Variants in THOC2 observed in about 807,000 individuals in gnomAD.
THOC2 encodes the protein THO complex 2.
In THOC2, 10 loss-of-function variants were observed where a neutral mutation model predicts 128.4. That is an observed-to-expected ratio of 0.08 (90% CI 0.05 to 0.13). The LOEUF is 0.13. Among genes scored for constraint, THOC2 ranks in the 10% least tolerant of loss-of-function variants. THOC2 has a pLI of 1.00. For missense variants in THOC2, 535 were observed against 1,155.7 expected (o/e 0.46, Z 7.79); for synonymous variants, 393 against 396.9 (o/e 0.99, Z 0.12).
chrX:123,700,981 G>A (rs1024541426), intron 4 of THOC2, among the ~76,000 whole-genome samples: 2 of 110,825 alleles, frequency 1.8e-5, no homozygotes, highest in African/African-American at 6.6e-5. Flanking sequence ...TTTCTGCCAA[G>A]GGTGAGGGTA....
At chrX:123,691,945 T>C (rs1036305371) in intron 7 of THOC2, among the ~76,000 whole-genome samples, 31 of 112,024 alleles carry the variant, frequency 2.8e-4, no homozygotes, top group African/African-American at 9.1e-4. Flanking sequence ...TCTATAGCTG[T>C]TTTTACGCTG....
At chrX:123,630,139 A>G (rs770803867) in intron 22 of THOC2, among the ~76,000 whole-genome samples, 5 of 112,234 alleles carry the variant, frequency 4.5e-5, no homozygotes, top group Admixed American at 9.4e-5. Context: ...TATTTACCCA[A>G]GATGAATATG....
intron 12 of THOC2, among the ~76,000 whole-genome samples, chrX:123,651,911 A>G (rs1270042033): frequency 9.0e-6 from 1 of 111,483 alleles, no homozygotes; most frequent in African/African-American, 3.3e-5. Flanking sequence ...ACTATTCCAA[A>G]CAATAGAAAA....
At chrX:123,670,073 T>C (rs991994647) in intron 9 of THOC2, among the ~76,000 whole-genome samples, 6 of 112,346 alleles carry the variant, frequency 5.3e-5, no homozygotes, top group Non-Finnish European at 1.1e-4. Context: ...TCTAAAGTCA[T>C]ACCTGTGTTT....
At chrX:123,670,366 C>A (rs1345366638) in intron 9 of THOC2, among the ~76,000 whole-genome samples, 1 of 112,852 alleles carries the variant, frequency 8.9e-6, no homozygotes, top group Non-Finnish European at 1.9e-5. Context: ...CGCTTGTAAT[C>A]CCAGCACTTT....
At chrX:123,648,596 A>AAGTCGAC (rs1450229667) in intron 12 of THOC2, among the ~76,000 whole-genome samples, 1 of 98,432 alleles carries the variant, frequency 1.0e-5, no homozygotes, top group Non-Finnish European at 2.1e-5. Context: ...CAGCAGTCTG[A>AAGTCGAC]AGTCGACCTG....
intron 12 of THOC2, among the ~76,000 whole-genome samples, chrX:123,651,487 CT>C (rs2048354161): frequency 9.0e-6 from 1 of 111,307 alleles, no homozygotes. Context: ...ACAAAAAACC[CT>C]TCAAAGTATC....
chrX:123,674,668 G>A (rs1197570744), intron 8 of THOC2, among the ~76,000 whole-genome samples: 1 of 110,757 alleles, frequency 9.0e-6, no homozygotes, highest in African/African-American at 3.3e-5. Context: ...GATTTTGTGT[G>A]TGTGCACCAT....
intron 7 of THOC2, 72 bp from the exon 8 acceptor site, chrX:123,686,786 G>A: frequency 2.4e-6 from 2 of 844,476 alleles, no homozygotes; most frequent in Non-Finnish European, 3.2e-6. Context: ...TTAATTTTCA[G>A]GAATAACTCA....
chrX:123,669,608 G>A (rs977501875), intron 9 of THOC2, among the ~76,000 whole-genome samples: 7 of 111,615 alleles, frequency 6.3e-5, no homozygotes, highest in Non-Finnish European at 7.5e-5. Context: ...GAGCCACTGC[G>A]CCCGGCCATA....
intron 22 of THOC2, among the ~76,000 whole-genome samples, chrX:123,629,835 C>A (rs769114588): frequency 3.0e-4 from 33 of 111,701 alleles, no homozygotes; most frequent in African/African-American, 9.8e-4. Flanking sequence ...TCTAACAAAA[C>A]GGGATAAAAT....
intron 1 of THOC2, among the ~76,000 whole-genome samples, chrX:123,725,417 C>A (rs1176978633): frequency 1.1e-5 from 1 of 94,182 alleles, no homozygotes; most frequent in Non-Finnish European, 2.1e-5. Flanking sequence ...ACAAGTGAGA[C>A]CCCATCTCTA....
rs2046805757 is a variant in THOC2 at position 123,614,162 on chromosome X, G to A, written c.4339C>T (p.Leu1447=). ...ATTTCTCTCTCCTTACTCTTGGACA[G>A]TGGTGGAGGAGTATGATTAATGTAG... ...KLYINHTPPP[L]SKSKEREMDK... is the part of the protein sequence containing the mutation. Residue 1447 remains leucine, a synonymous_variant, in exon 34 of 39, where the codon CTG becomes TTG. Coordinates refer to ENST00000245838, the MANE Select transcript of THOC2 (RefSeq NM_001081550.2). 3 of 1,193,844 alleles carry A rather than the reference G, an allele frequency of 2.5e-6. No homozygotes were observed. In the Admixed American group the frequency reaches 6.7e-5, roughly 27 times the overall value.
At chrX:123,680,507 G>A (rs781474880) in intron 8 of THOC2, among the ~76,000 whole-genome samples, 5 of 109,354 alleles carry the variant, frequency 4.6e-5, no homozygotes, top group East Asian at 5.7e-4. Context: ...TATGCTGAAC[G>A]CCGGTCCCCT....
At chrX:123,709,002 C>G (rs1483206837) in intron 2 of THOC2, among the ~76,000 whole-genome samples, 1 of 111,887 alleles carries the variant, frequency 8.9e-6, no homozygotes, top group East Asian at 2.9e-4. Context: ...CCGCTTTGGC[C>G]TCCCAAAGTG....
intron 8 of THOC2, among the ~76,000 whole-genome samples, chrX:123,684,406 G>C (rs969427365): frequency 1.8e-5 from 2 of 111,610 alleles, no homozygotes; most frequent in Admixed American, 1.9e-4. Flanking sequence ...TTTCTGAGAC[G>C]GAGTTTTACT....
At chrX:123,721,927 T>C (rs768254629) in intron 1 of THOC2, among the ~76,000 whole-genome samples, 106 of 112,345 alleles carry the variant, frequency 9.4e-4, no homozygotes, top group Non-Finnish European at 1.2e-3. Flanking sequence ...ACTTGTGCGA[T>C]TGTTTGAATT....
At chrX:123,625,885 T>G in intron 25 of THOC2, 27 bp downstream of exon 25, 1 of 1,194,502 alleles carries the variant, frequency 8.4e-7, no homozygotes, top group Non-Finnish European at 1.1e-6. Context: ...GTGTGAGAAC[T>G]TTTTAAAGGT....
rs755087001 is a variant in THOC2, at chrX:123,703,139, C to A, written c.274+315G>T. Among the ~76,000 whole-genome samples the A allele has an allele frequency of 6.4e-4, 72 of 111,810 alleles. 1 individual carries two copies. The highest frequency in any genetic ancestry group is 2.3e-3 in the African/African-American group (70 of 30,841). On this transcript the variant is annotated intron_variant, in intron 4 of 38. Transcript: ENST00000245838. Reference sequence around the variant, plus strand: ...AGATTCTGACATCATTCATTGAAAACCTGCATTGAATAAGATTATTTGGTT... The same window carrying A: ...AGATTCTGACATCATTCATTGAAAAACTGCATTGAATAAGATTATTTGGTT...
Sources: gnomAD v4.1 joint callset for allele counts (sites outside exome capture counted in the v4.1 genomes callset) on GRCh38, gnomAD v4.1.1 for gene constraint, MANE v1.5 for transcripts, NCBI Gene and HGNC (gene_info 2026-07-23, HGNC 2026-07-21) for gene names.